NCK2: variants seen among roughly 807,000 people sequenced by gnomAD.
NCK2 encodes cytoplasmic protein NCK2.
A neutral mutation model predicts 33.9 loss-of-function variants in NCK2; 16 were observed. The observed-to-expected ratio is 0.47, with a 90% CI of 0.32 to 0.72. The LOEUF is 0.72. Ranked by LOEUF, NCK2 falls within the 30% of genes least tolerant of loss-of-function variation. NCK2 has a pLI of 0.03. For missense variants in NCK2, 418 were observed against 537.3 expected (o/e 0.78, Z 2.19); for synonymous variants, 273 against 239.9 (o/e 1.14, Z -1.27).
At chr2:105,798,579 C>T (rs980792929) in intron 1 of NCK2, among the ~76,000 whole-genome samples, 8 of 152,118 alleles carry the variant, frequency 5.3e-5, no homozygotes, top group African/African-American at 1.7e-4. Flanking sequence ...TAGTGAAGTT[C>T]CCCAAAGATA....
chr2:105,882,159 G>T, intron 4 of NCK2, 110 bp downstream of exon 4: 1 of 1,233,762 alleles, frequency 8.1e-7, no homozygotes, highest in Middle Eastern at 2.9e-4. Flanking sequence ...GAAAGAGCGG[G>T]AGACGCAGAT....
At chr2:105,764,271 G>A (rs145026095) in intron 1 of NCK2, among the ~76,000 whole-genome samples, 24 of 152,346 alleles carry the variant, frequency 1.6e-4, no homozygotes, top group African/African-American at 5.1e-4. Context: ...CTTTGCATCC[G>A]CACCCTGCAG....
At chr2:105,818,542 C>T (rs996790225) in intron 2 of NCK2, among the ~76,000 whole-genome samples, 70 of 151,860 alleles carry the variant, frequency 4.6e-4, no homozygotes, top group Non-Finnish European at 8.4e-4. Flanking sequence ...TTTAACAGAA[C>T]AAAATAGAAA....
chr2:105,858,734 T>C (rs557822123), intron 3 of NCK2, among the ~76,000 whole-genome samples: 1 of 152,364 alleles, frequency 6.6e-6, no homozygotes, highest in South Asian at 2.1e-4. Flanking sequence ...TCACATACAG[T>C]ACTTTGTTAA....
chr2:105,802,698 T>A (rs759566423), intron 1 of NCK2, among the ~76,000 whole-genome samples: 1 of 152,234 alleles, frequency 6.6e-6, no homozygotes, highest in East Asian at 1.9e-4. Flanking sequence ...GCCCTCGCGA[T>A]GCAGACACCT....
chr2:105,806,300 C>T (rs1418416492), intron 1 of NCK2, among the ~76,000 whole-genome samples: 5 of 148,488 alleles, frequency 3.4e-5, no homozygotes, highest in Non-Finnish European at 5.9e-5. Context: ...TGCAGTGGCA[C>T]GATCTCTGCT....
chr2:105,763,792 G>T (rs192284513), intron 1 of NCK2, among the ~76,000 whole-genome samples: 2 of 152,284 alleles, frequency 1.3e-5, no homozygotes, highest in East Asian at 3.9e-4. Context: ...TGTGTTTAAA[G>T]AAATATGCTA....
chr2:105,747,815 A>G (rs115904469), intron 1 of NCK2, among the ~76,000 whole-genome samples: 292 of 152,338 alleles, frequency 1.9e-3, no homozygotes, highest in East Asian at 5.0e-3. Context: ...GATTTCGTGT[A>G]TCTTGTTCCA....
At chr2:105,892,257 T>A (rs1048875144) in intron 4 of NCK2, among the ~76,000 whole-genome samples, 1 of 152,146 alleles carries the variant, frequency 6.6e-6, no homozygotes, top group African/African-American at 2.4e-5. Flanking sequence ...GTAGTAAAAT[T>A]TCTAGCTACT....
At chr2:105,884,479 G>T (rs1371916109) in intron 4 of NCK2, among the ~76,000 whole-genome samples, 1 of 152,118 alleles carries the variant, frequency 6.6e-6, no homozygotes, top group South Asian at 2.1e-4. Flanking sequence ...TTTGGGCCTG[G>T]GCCTTTAATT....
At chr2:105,782,906 A>G (rs1056444564) in intron 1 of NCK2, among the ~76,000 whole-genome samples, 16 of 152,274 alleles carry the variant, frequency 1.1e-4, no homozygotes, top group Admixed American at 7.8e-4. Flanking sequence ...GTTACTCCAG[A>G]CACTTGTGCT....
chr2:105,759,952 C>T (rs989491107), intron 1 of NCK2, among the ~76,000 whole-genome samples: 23 of 152,122 alleles, frequency 1.5e-4, no homozygotes, highest in African/African-American at 4.8e-4. Context: ...ATGTGATCAG[C>T]GTGGCTTATG....
chr2:105,787,145 C>T (rs1690707978), intron 1 of NCK2, among the ~76,000 whole-genome samples: 1 of 152,222 alleles, frequency 6.6e-6, no homozygotes, highest in African/African-American at 2.4e-5. Context: ...TGACCCTCAG[C>T]CCTGAGCACT....
At chr2:105,853,228 G>A (rs1039311236) in intron 2 of NCK2, among the ~76,000 whole-genome samples, 39 of 152,084 alleles carry the variant, frequency 2.6e-4, no homozygotes, top group Admixed American at 4.6e-4. Context: ...GAATTTTTCT[G>A]CTTAAAGAAT....
chr2:105,773,904 C>A (rs1690216330), intron 1 of NCK2, among the ~76,000 whole-genome samples: 1 of 152,084 alleles, frequency 6.6e-6, no homozygotes, highest in African/African-American at 2.4e-5. Context: ...TTTTTATTTG[C>A]CTTAAACAAG....
At chr2:105,841,941 G>A (rs1676664040) in intron 2 of NCK2, among the ~76,000 whole-genome samples, 1 of 152,190 alleles carries the variant, frequency 6.6e-6, no homozygotes, top group African/African-American at 2.4e-5. Flanking sequence ...AAGTTGCCAG[G>A]AGGCACCAAG....
At chr2:105,875,498 C>T (rs1334363555) in intron 3 of NCK2, among the ~76,000 whole-genome samples, 1 of 152,148 alleles carries the variant, frequency 6.6e-6, no homozygotes, top group Admixed American at 6.5e-5. Context: ...TCGTGTTCCC[C>T]CCATTCATAT....
At chr2:105,838,758 G>C (rs1314943735) in intron 2 of NCK2, among the ~76,000 whole-genome samples, 6 of 152,118 alleles carry the variant, frequency 3.9e-5, no homozygotes, top group Non-Finnish European at 7.4e-5. Flanking sequence ...ACTGATGGAG[G>C]CCGACCGTAG....
At chr2:105,765,460 C>A (rs998426343) in intron 1 of NCK2, among the ~76,000 whole-genome samples, 1 of 152,154 alleles carries the variant, frequency 6.6e-6, no homozygotes, top group Non-Finnish European at 1.5e-5. Context: ...CTTTTCCTTT[C>A]GAGCTGGTGG....
Sources: allele counts gnomAD v4.1 joint callset (sites outside exome capture counted in the v4.1 genomes callset), GRCh38; gene constraint gnomAD v4.1.1; transcripts MANE v1.5; gene names NCBI Gene and HGNC (gene_info 2026-07-23, HGNC 2026-07-21).